The following HMCN2 variants were observed in gnomAD, a reference collection of about 807,000 sequenced individuals.
HMCN2 encodes the protein hemicentin 2, also known as hemicentin-2.
A neutral mutation model predicts 377.5 loss-of-function variants in HMCN2; 325 were observed. That is an observed-to-expected ratio of 0.86 (90% confidence interval 0.79 to 0.94). The LOEUF is 0.94. Among genes scored for constraint, HMCN2 ranks in the 40% least tolerant of loss-of-function variants. The pLI is 0.00. For synonymous variants in HMCN2, 2,007 were observed against 2,046.8 expected (o/e 0.98, Z 0.53); for missense variants, 4,543 against 4,725.3 (o/e 0.96, Z 1.13).
Position 130,376,819 on chromosome 9 carries a change from T to C in HMCN2, c.8061+161T>C, listed in dbSNP as rs575001471. On this transcript the variant is annotated intron_variant, in intron 52 of 97. Transcript: ENST00000683500. ...TATTTTATTTTTATTTTTTTTGAGA[T>C]GGAGTGTTGCTCTGTCACCAAGGCT... Among the ~76,000 whole-genome samples the C allele has an allele frequency of 2.6e-5, 4 of 152,274 alleles. No homozygotes were observed. In the East Asian group the frequency reaches 7.7e-4, roughly 29 times the overall value.
chr9:130,270,777 T>C (rs1190021329), intron 1 of HMCN2, among the ~76,000 whole-genome samples: 1 of 148,648 alleles, frequency 6.7e-6, no homozygotes, highest in African/African-American at 2.4e-5. Flanking sequence ...GGGGTCTTGC[T>C]ATGTTGCCTA....
intron 48 of HMCN2, among the ~76,000 whole-genome samples, chr9:130,373,690 T>C (rs1273395084): frequency 1.3e-5 from 2 of 149,370 alleles, no homozygotes; most frequent in Non-Finnish European, 3.0e-5. Context: ...GATGGATGGA[T>C]AGATGGATGG....
At chr9:130,344,850 T>C (rs1839260485) in intron 25 of HMCN2, among the ~76,000 whole-genome samples, 1 of 149,432 alleles carries the variant, frequency 6.7e-6, no homozygotes, top group East Asian at 2.0e-4. Flanking sequence ...GTGTAGTGTT[T>C]GGTATATATG....
intron 90 of HMCN2, 112 bp downstream of exon 90, chr9:130,426,036 GC>G: frequency 1.2e-6 from 1 of 815,928 alleles, no homozygotes; most frequent in Non-Finnish European, 1.9e-6. Flanking sequence ...CTGACCATGG[GC>G]CAGAGACTTC....
Position 130,343,837 on chromosome 9 carries a change from C to T in HMCN2, c.3829+1401C>T, listed in dbSNP as rs924252058. On this transcript the variant is annotated intron_variant, in intron 25 of 97. Coordinates refer to ENST00000683500, the MANE Select transcript of HMCN2 (RefSeq NM_001291815.2). ...CAGCCCTGTGGCCTTGGGCTCGGAG[C>T]GCTCTGAGGGCTACAGGGTTGGGAC... is the stretch of plus-strand genomic sequence containing the variant. 8.4e-3 allele frequency among the ~76,000 whole-genome samples: 1,282 copies of T among 152,340 alleles called. 21 individuals are homozygous for T. The highest frequency in any genetic ancestry group is 0.028 in the African/African-American group (1,177 of 41,578).
In HMCN2 at chr9:130,306,131, G is replaced by A. The variant is rs570886463; in HGVS notation, c.1819G>A (p.Ala607Thr). Reference sequence around the variant, plus strand: ...CCTATCCACTTTTTGGGTCACAGAGGCCCCACAGGTCAGCATCCACACCAG... The same window carrying A: ...CCTATCCACTTTTTGGGTCACAGAGACCCCACAGGTCAGCATCCACACCAG... Reference protein sequence around the residue: ...RASVWLLVREAPQVSIHTSSQ... With the variant: ...RASVWLLVRETPQVSIHTSSQ... The change falls in exon 12 of 98, where the codon GCC becomes ACC. Residue 607 changes from alanine to threonine, a missense_variant and splice_region_variant. Coordinates refer to ENST00000683500, the MANE Select transcript of HMCN2 (RefSeq NM_001291815.2). 1.5e-5 allele frequency: 7 copies of A among 471,028 alleles called. No homozygotes were observed. Among genetic ancestry groups the A allele is most frequent in the South Asian group, 1.1e-4 (7 of 64,566 alleles). The allele number at this position is 471,028 out of a possible 1,614,324, so 29.2% of individuals were successfully genotyped here. A position where few individuals can be genotyped will look rare whatever the true frequency, so the allele number is the denominator to read the frequency against.
rs1299103009 is a variant in HMCN2, at chr9:130,427,311, AGAG to A, written c.13882_13884del (p.Glu4628del). On this transcript the variant is annotated splice_acceptor_variant and coding_sequence_variant, in exon 91 of 98. Transcript: ENST00000683500. LOFTEE classifies it high-confidence loss of function. ...TTAGAGTCTATCCTCTTTGCTTTGCAGAGGAGAACGAGGTCGGCTGCCCCGAGG... is the reference window on the plus strand; with the variant it reads ...TTAGAGTCTATCCTCTTTGCTTTGCAGAGAACGAGGTCGGCTGCCCCGAGG... 6.4e-7 allele frequency: 1 copy of A among 1,550,508 alleles called. No individual in the cohort carries two copies. The highest frequency in any genetic ancestry group is 8.7e-7 in the Non-Finnish European group (1 of 1,146,990).
chr9:130,432,401 C>T, intron 96 of HMCN2, 28 bp from the exon 97 acceptor site: 7 of 1,550,750 alleles, frequency 4.5e-6, no homozygotes, highest in Non-Finnish European at 6.1e-6. Context: ...TCATCTCCCT[C>T]CCCCGCTTCA....
Position 130,408,795 on chromosome 9 carries a change from A to G in HMCN2, c.12741A>G (p.Gly4247=), listed in dbSNP as rs1207428134. 7.8e-7 allele frequency: 1 copy of G among 1,289,706 alleles called. No individual in the cohort carries two copies. The allele number at this position is 1,289,706 out of a possible 1,614,324, so 79.9% of individuals were successfully genotyped here. ...TCTCCTACCTGGTGGAACCTGTAGG[A>G]GGCAGCATTCAGCTAGACTGTGTGG... ...EAFSYLVEPV[G]GSIQLDCVVR... is the part of the protein sequence containing the mutation. Residue 4247 remains glycine (G), a synonymous_variant, in exon 84 of 98, where the codon GGA becomes GGG. Transcript: ENST00000683500.
rs116972695 is a variant in HMCN2 at position 130,395,332 on chromosome 9, C to T, written c.10896C>T (p.Asp3632=). 8.5e-3 allele frequency: 10,928 copies of T among 1,288,534 alleles called. 54 individuals are homozygous for T. Among genetic ancestry groups the T allele is most frequent in the Non-Finnish European group, 0.01 (9,898 of 988,266 alleles). 79.8% of individuals were successfully genotyped at this position (1,288,534 alleles called of 1,614,324 possible). A position where few individuals can be genotyped will look rare whatever the true frequency, so the allele number is the denominator to read the frequency against. The change falls in exon 71 of 98, where the codon GAC becomes GAT. Residue 3632 remains aspartate, a synonymous_variant. Transcript: ENST00000683500. ...EPAPKITWHR[D]GIVLQEDAHT... ...CGCCCAAGATCACGTGGCACCGAGACGGCATTGTGCTGCAGGTGGGCGCCA... is the reference window on the plus strand; with the variant it reads ...CGCCCAAGATCACGTGGCACCGAGATGGCATTGTGCTGCAGGTGGGCGCCA...
chr9:130,282,293 C>T (rs572828000), intron 1 of HMCN2, among the ~76,000 whole-genome samples: 1 of 152,354 alleles, frequency 6.6e-6, no homozygotes, highest in African/African-American at 2.4e-5. Context: ...TACCTGGTTT[C>T]ACTGAATTCT....
intron 21 of HMCN2, among the ~76,000 whole-genome samples, chr9:130,326,516 G>A (rs1209198711): frequency 6.6e-6 from 1 of 152,068 alleles, no homozygotes; most frequent in East Asian, 1.9e-4. Flanking sequence ...ACGTCTGGGA[G>A]GAGTGAGCAA....
At position 130,359,398 on chromosome 9, in the gene HMCN2, G is replaced by A. The variant is rs776746087; in HGVS notation, c.5757G>A (p.Ser1919=). 7 of 1,302,304 alleles carry A rather than the reference G, an allele frequency of 5.4e-6. No individual in the cohort carries two copies. The highest frequency in any genetic ancestry group is 2.5e-5 in the South Asian group (2 of 80,884). 80.7% of individuals were successfully genotyped at this position (1,302,304 alleles called of 1,614,324 possible). ...NASVTLECLA[S]GVPPPDVSWF... ...CAGTGACCTTGGAGTGTCTGGCTTC[G>A]GGCGTGCCCCCTCCTGGTAAGACCC... The change falls in exon 37 of 98, where the codon TCG becomes TCA. Residue 1919 remains serine (S), a synonymous_variant. Coordinates refer to ENST00000683500, the MANE Select transcript of HMCN2 (RefSeq NM_001291815.2).
Position 130,349,251 on chromosome 9 carries a change from C to T in HMCN2, c.4303+120C>T, listed in dbSNP as rs189776758. 3.8e-4 allele frequency: 398 copies of T among 1,051,502 alleles called. 2 individuals carry two copies. The African/African-American group carries it at 5.7e-3, about 15-fold the overall frequency. The allele number at this position is 1,051,502 out of a possible 1,614,324, so 65.1% of individuals were successfully genotyped here. ...GCGGAGAGCAGGGGGCACAGAGGGACCCATGACAGACCCAACCCCCATCCT... is the reference window on the plus strand; with the variant it reads ...GCGGAGAGCAGGGGGCACAGAGGGATCCATGACAGACCCAACCCCCATCCT... On this transcript the variant is annotated intron_variant, in intron 28 of 97. Coordinates refer to ENST00000683500, the MANE Select transcript of HMCN2 (RefSeq NM_001291815.2).
At chr9:130,367,521 T>G (rs919332040) in intron 43 of HMCN2, among the ~76,000 whole-genome samples, 1 of 152,280 alleles carries the variant, frequency 6.6e-6, no homozygotes, top group Non-Finnish European at 1.5e-5. Flanking sequence ...CCAAGGGGTC[T>G]TCTTGATGCC....
intron 4 of HMCN2, among the ~76,000 whole-genome samples, chr9:130,287,993 A>G (rs1455780094): frequency 6.6e-6 from 1 of 152,188 alleles, no homozygotes; most frequent in African/African-American, 2.4e-5. Context: ...GTTCTCTGCG[A>G]CACTTTAGGC....
intron 47 of HMCN2, 31 bp from the exon 48 acceptor site, chr9:130,373,007 C>T (rs1197369246): frequency 4.0e-5 from 7 of 176,614 alleles, no homozygotes; most frequent in African/African-American, 1.8e-4. Flanking sequence ...CCCACCCCAT[C>T]ACTAGCCATT....
Position 130,357,898 on chromosome 9 carries a change from C to A in HMCN2, c.5490C>A (p.Thr1830=). ...NITAPFLQPV[T]LQCIGDGVPT... ...CAGCTCCTTTCCTGCAGCCTGTGAC[C>A]CTCCAGTGCATAGGGGATGGGGTGC... is the stretch of plus-strand genomic sequence containing the variant. Residue 1830 remains threonine (T), a synonymous_variant, in exon 35 of 98, where the codon ACC becomes ACA. Coordinates refer to ENST00000683500, the MANE Select transcript of HMCN2 (RefSeq NM_001291815.2). 7.7e-7 allele frequency: 1 copy of A among 1,304,162 alleles called. No individual in the cohort carries two copies. The highest frequency in any genetic ancestry group is 1.0e-6 in the Non-Finnish European group (1 of 988,872). 80.8% of individuals were successfully genotyped at this position (1,304,162 alleles called of 1,614,324 possible).
chr9:130,411,486 G>A (rs1404108364), intron 85 of HMCN2, among the ~76,000 whole-genome samples: 16 of 150,532 alleles, frequency 1.1e-4, no homozygotes, highest in Admixed American at 2.0e-4. Flanking sequence ...TGTAATCCCA[G>A]TCATTCAGGA....
Sources: allele counts gnomAD v4.1 joint callset (sites outside exome capture counted in the v4.1 genomes callset), GRCh38; gene constraint gnomAD v4.1.1; transcripts MANE v1.5; gene names NCBI Gene and HGNC (gene_info 2026-07-23, HGNC 2026-07-21).